The following TMEM131L variants were observed in gnomAD, a reference collection of about 807,000 sequenced individuals.
The protein encoded by TMEM131L is transmembrane 131 like, also known as transmembrane protein 131-like.
In TMEM131L, 54 loss-of-function variants were observed where a neutral mutation model predicts 192.2. That is an observed-to-expected ratio of 0.28 (90% CI 0.23 to 0.35). TMEM131L has a LOEUF of 0.35. TMEM131L is among the 10% of genes least tolerant of loss of function. TMEM131L has a pLI of 1.00. For synonymous variants in TMEM131L, 701 were observed against 704.9 expected (o/e 0.99, Z 0.09); for missense variants, 1,888 against 1,972.9 (o/e 0.96, Z 0.82).
chr4:153,549,007 C>T (rs954440471), intron 3 of TMEM131L, among the ~76,000 whole-genome samples: 1 of 152,094 alleles, frequency 6.6e-6, no homozygotes. Flanking sequence ...CTCTGTCGCC[C>T]AGTCTGGAGT....
chr4:153,557,967 C>G (rs1413873938), intron 6 of TMEM131L, among the ~76,000 whole-genome samples: 2 of 152,170 alleles, frequency 1.3e-5, no homozygotes, highest in African/African-American at 2.4e-5. Flanking sequence ...AACAGGCTTT[C>G]ACCATGTTGG....
chr4:153,596,511 GGAA>G (rs1442438442), intron 20 of TMEM131L, 126 bp downstream of exon 20: 1 of 1,125,242 alleles, frequency 8.9e-7, no homozygotes. Context: ...TTGCGGGGTA[GGAA>G]GAAGTGGAAG....
At position 153,555,676 on chromosome 4, in the gene TMEM131L, A is replaced by G. The variant is rs1737930442; in HGVS notation, c.309-111A>G. ...ATTTAACTTTGTGATGAACAGCAACAGCTTTCTGGGTTTAAAAATCTGTGT... is the reference window on the plus strand; with the variant it reads ...ATTTAACTTTGTGATGAACAGCAACGGCTTTCTGGGTTTAAAAATCTGTGT... On this transcript the variant is annotated intron_variant, in intron 4 of 34. Transcript: ENST00000409959. This position sits in a 1 kb window ranked among gnomAD's most constrained non-coding sequence, Gnocchi z 4.1. The G allele has an allele frequency of 2.2e-6, 2 of 890,666 alleles. No individual in the cohort carries two copies. The highest frequency in any genetic ancestry group is 1.6e-6 in the Non-Finnish European group (1 of 625,164). 55.2% of individuals were successfully genotyped at this position (890,666 alleles called of 1,614,324 possible).
rs575109357 is a variant in TMEM131L at position 153,515,040 on chromosome 4, G to A, written c.240-35033G>A. Among the ~76,000 whole-genome samples the A allele has an allele frequency of 1.3e-3, 203 of 152,006 alleles. 1 individual carries two copies. Among genetic ancestry groups the A allele is most frequent in the African/African-American group, 4.6e-3 (190 of 41,444 alleles). ...TTGGCCAGGCTGGTCTCGAACTCCC[G>A]ACCTCAGGTGATCCACCTGCCTCGG... On this transcript the variant is annotated intron_variant, in intron 3 of 34. Coordinates refer to ENST00000409959, the MANE Select transcript of TMEM131L (RefSeq NM_001131007.2).
chr4:153,521,071 G>A (rs545125306), intron 3 of TMEM131L, among the ~76,000 whole-genome samples: 2 of 152,268 alleles, frequency 1.3e-5, no homozygotes, highest in South Asian at 4.1e-4. Flanking sequence ...TATCCACTGG[G>A]GAGTAGCACT....
At chr4:153,538,585 C>A (rs1423923312) in intron 3 of TMEM131L, among the ~76,000 whole-genome samples, 1 of 152,218 alleles carries the variant, frequency 6.6e-6, no homozygotes, top group Non-Finnish European at 1.5e-5. Context: ...CTGCTTCTGG[C>A]CGCCCTGAAA....
Position 153,593,857 on chromosome 4 carries a change from G to A in TMEM131L, c.1981G>A (p.Ala661Thr), listed in dbSNP as rs374129381. The A allele has an allele frequency of 1.6e-5, 26 of 1,612,380 alleles. No homozygotes were observed. The highest frequency in any genetic ancestry group is 1.7e-6 in the Non-Finnish European group (2 of 1,178,572). Residue 661 changes from alanine (A) to threonine (T), a missense_variant, in exon 19 of 35, where the codon GCT becomes ACT. Coordinates refer to ENST00000409959, the MANE Select transcript of TMEM131L (RefSeq NM_001131007.2). ...AACTGGTGAATTCCAGCTCACCGAA[G>A]CTTGCCCTTACCTGGTAGGATGTTA... ...FTTGEFQLTE[A>T]CPYLGTHSEE... is the part of the protein sequence containing the mutation.
chr4:153,518,983 C>A (rs114899334), intron 3 of TMEM131L, among the ~76,000 whole-genome samples: 2,700 of 152,276 alleles, frequency 0.018, 84 homozygotes, highest in African/African-American at 0.058. Context: ...GTATCTTAAA[C>A]TTTTGACCAC....
chr4:153,514,249 CAT>C (rs1734554787), intron 3 of TMEM131L, among the ~76,000 whole-genome samples: 1 of 152,110 alleles, frequency 6.6e-6, no homozygotes, highest in Non-Finnish European at 1.5e-5. Flanking sequence ...GTGCAGTTCA[CAT>C]AAAGATCATT....
chr4:153,603,230 T>G, intron 23 of TMEM131L, 73 bp from the exon 24 acceptor site: 1 of 1,311,764 alleles, frequency 7.6e-7, no homozygotes, highest in Non-Finnish European at 1.0e-6. Flanking sequence ...TCCCCACTCT[T>G]CTGTAATGAA....
At chr4:153,608,635 C>T (rs1211442797) in intron 25 of TMEM131L, among the ~76,000 whole-genome samples, 3 of 152,210 alleles carry the variant, frequency 2.0e-5, no homozygotes, top group African/African-American at 7.2e-5. Flanking sequence ...CACTGAATTA[C>T]ATTCCTCACC....
intron 25 of TMEM131L, among the ~76,000 whole-genome samples, chr4:153,610,230 G>A (rs184276255): frequency 1.2e-4 from 18 of 152,112 alleles, no homozygotes; most frequent in African/African-American, 2.7e-4. Context: ...AGAAATTCCC[G>A]GGAAATAGCA....
intron 10 of TMEM131L, 68 bp downstream of exon 10, chr4:153,583,316 G>A (rs1038796822): frequency 2.3e-6 from 2 of 879,122 alleles, no homozygotes; most frequent in African/African-American, 1.7e-5. Flanking sequence ...TAGAATATGA[G>A]GGTTTTTCAG....
rs192373135 is a variant in TMEM131L, at chr4:153,578,168, C to T, written c.661-2658C>T. On this transcript the variant is annotated intron_variant, in intron 7 of 34. Transcript: ENST00000409959. ...AGGAGAAGTTTCTGTTGGATTTGGCCGTGTGAGGATCATTTGTAACCTTAG... is the reference window on the plus strand; with the variant it reads ...AGGAGAAGTTTCTGTTGGATTTGGCTGTGTGAGGATCATTTGTAACCTTAG... Among the ~76,000 whole-genome samples the T allele has an allele frequency of 1.8e-3, 273 of 152,112 alleles. 1 individual carries two copies. Among genetic ancestry groups the T allele is most frequent in the African/African-American group, 6.2e-3 (259 of 41,506 alleles).
chr4:153,558,389 T>G (rs780408907), intron 7 of TMEM131L, 21 bp downstream of exon 7: 2 of 1,449,670 alleles, frequency 1.4e-6, no homozygotes, highest in South Asian at 2.4e-5. Flanking sequence ...TAGATTTACT[T>G]TGAATGCTGG....
intron 2 of TMEM131L, among the ~76,000 whole-genome samples, chr4:153,468,150 AG>A (rs1730901014): frequency 6.6e-6 from 1 of 152,234 alleles, no homozygotes; most frequent in South Asian, 2.1e-4. Flanking sequence ...TTAGAAAAAC[AG>A]GATGTCTAGC....
chr4:153,545,685 A>G (rs1039037175), intron 3 of TMEM131L, among the ~76,000 whole-genome samples: 4 of 152,188 alleles, frequency 2.6e-5, no homozygotes, highest in African/African-American at 9.7e-5. Flanking sequence ...AGGCCAGGTA[A>G]AATCTTAGGC....
chr4:153,623,162 G>T, intron 29 of TMEM131L, 79 bp downstream of exon 29: 3 of 1,331,600 alleles, frequency 2.3e-6, no homozygotes, highest in Admixed American at 2.8e-5. Flanking sequence ...ACACAGTCTC[G>T]ATCTGCCTTC....
chr4:153,533,212 C>T (rs551513386), intron 3 of TMEM131L, among the ~76,000 whole-genome samples: 5 of 152,154 alleles, frequency 3.3e-5, no homozygotes, highest in South Asian at 2.1e-4. Flanking sequence ...CTCGAACTCC[C>T]GACCTCACTT....
Sources: allele counts gnomAD v4.1 joint callset (sites outside exome capture counted in the v4.1 genomes callset), GRCh38; gene constraint gnomAD v4.1.1; non-coding constraint Gnocchi (gnomAD v3.1); transcripts MANE v1.5; gene names NCBI Gene and HGNC (gene_info 2026-07-23, HGNC 2026-07-21).